LEKR1: variants seen among roughly 807,000 people sequenced by gnomAD.
The protein encoded by LEKR1 is protein LEKR1.
LEKR1 carries 59 observed loss-of-function variants against 72.4 expected under a neutral mutation model. The observed-to-expected ratio is 0.82, with a 90% CI of 0.66 to 1.01. The LOEUF (loss-of-function observed/expected upper bound fraction) is 1.01, where lower values mean the gene tolerates loss of function less well. Among genes scored for constraint, LEKR1 ranks in the 50% least tolerant of loss-of-function variants. LEKR1 has a pLI of 0.00. For missense variants in LEKR1, 728 were observed against 759.2 expected, an observed-to-expected ratio of 0.96 and a Z score of 0.48; for synonymous variants, 257 against 263.2, an observed-to-expected ratio of 0.98 and a Z score of 0.23.
intron 3 of LEKR1, among the ~76,000 whole-genome samples, chr3:156,860,762 G>T (rs1008364666): frequency 6.6e-6 from 1 of 152,120 alleles, no homozygotes; most frequent in African/African-American, 2.4e-5. Flanking sequence ...ATGGACAAAG[G>T]TTTATTTCTT....
intron 3 of LEKR1, among the ~76,000 whole-genome samples, chr3:156,908,238 G>A (rs564597437): frequency 2.0e-5 from 3 of 151,938 alleles, no homozygotes; most frequent in Non-Finnish European, 4.4e-5. Flanking sequence ...ATATCTTGTG[G>A]TAGATATTTT....
Position 156,955,816 on chromosome 3 carries a change from G to T in LEKR1, c.745+13102G>T, listed in dbSNP as rs576166224. 4.6e-3 allele frequency among the ~76,000 whole-genome samples: 690 copies of T among 150,990 alleles called. 5 individuals carry two copies. The highest frequency in any genetic ancestry group is 5.1e-3 in the Non-Finnish European group (346 of 67,484). ...ATTGGCCTGAAGTTTTCTTTTTGTTGTTGTTGTTGTTGTTGTTGTTACATC... is the reference window on the plus strand; with the variant it reads ...ATTGGCCTGAAGTTTTCTTTTTGTTTTTGTTGTTGTTGTTGTTGTTACATC... On this transcript the variant is annotated intron_variant, in intron 6 of 12. Coordinates refer to ENST00000356539, the MANE Select transcript of LEKR1 (RefSeq NM_001004316.3).
intron 3 of LEKR1, among the ~76,000 whole-genome samples, chr3:156,871,565 T>A (rs1349294328): frequency 6.6e-6 from 1 of 152,156 alleles, no homozygotes; most frequent in African/African-American, 2.4e-5. Context: ...TAGTTTACAG[T>A]CCCACCAACA....
chr3:156,860,096 CT>C (rs1438634493), intron 3 of LEKR1, among the ~76,000 whole-genome samples: 2 of 152,122 alleles, frequency 1.3e-5, no homozygotes, highest in African/African-American at 2.4e-5. Flanking sequence ...TCTTTCTATG[CT>C]GCTTATGTTA....
chr3:156,837,357 G>A (rs986186210), intron 2 of LEKR1, among the ~76,000 whole-genome samples: 5 of 152,124 alleles, frequency 3.3e-5, no homozygotes, highest in East Asian at 1.9e-4. Flanking sequence ...TCAGACACCC[G>A]GTCCTCTCAT....
intron 3 of LEKR1, among the ~76,000 whole-genome samples, chr3:156,896,500 A>G (rs1241319316): frequency 2.0e-5 from 3 of 152,224 alleles, no homozygotes; most frequent in South Asian, 2.1e-4. Context: ...CAACACCACA[A>G]TGAGATACCA....
At chr3:156,846,417 G>T (rs1160458939) in intron 2 of LEKR1, among the ~76,000 whole-genome samples, 1 of 151,220 alleles carries the variant, frequency 6.6e-6, no homozygotes, top group East Asian at 1.9e-4. Context: ...AAAACACTGA[G>T]TCTTTTACTA....
chr3:156,920,582 G>A lies in LEKR1; in HGVS notation c.271G>A (p.Asp91Asn), dbSNP rs767874111. The change falls in exon 4 of 13, where the codon GAT (aspartate) becomes AAT (asparagine). Residue 91 changes from aspartate (D) to asparagine (N), a missense_variant. By Grantham distance (23) the Asp-to-Asn change is conservative. Transcript: ENST00000356539. ...DNKSKTERIY[D>N]VGMQLKSQQN... is the part of the protein sequence containing the mutation. ...GTTTGTTTATATTTTTAGAATTTAC[G>A]ATGTAGGCATGCAGTTAAAAAGTCA... 5.5e-6 allele frequency: 8 copies of A among 1,455,878 alleles called. No individual in the cohort carries two copies. The highest frequency in any genetic ancestry group is 4.3e-5 in the African/African-American group (3 of 70,288). The allele number at this position is 1,455,878 out of a possible 1,614,324, so 90.2% of individuals were successfully genotyped here. A position where few individuals can be genotyped will look rare whatever the true frequency, so the allele number is the denominator to read the frequency against.
chr3:156,988,545 C>G (rs1438412441), intron 7 of LEKR1: 1 of 187,498 alleles, frequency 5.3e-6, no homozygotes, highest in African/African-American at 2.4e-5. Flanking sequence ...TATGCAGCAG[C>G]AGCATTGTTT....
Position 156,829,416 on chromosome 3 carries a change from C to A in LEKR1, c.48+39C>A, listed in dbSNP as rs1406241658. ...TGTTGCTACAGCCTAACAGTGGGAA[C>A]ATGTAGCAGTTACATAATTCTAAAA... On this transcript the variant is annotated intron_variant, in intron 2 of 12. Coordinates refer to ENST00000356539, the MANE Select transcript of LEKR1 (RefSeq NM_001004316.3). 4.3e-6 allele frequency: 6 copies of A among 1,405,700 alleles called. No individual in the cohort carries two copies. In the Admixed American group the frequency reaches 1.3e-4, roughly 31 times the overall value. 87.1% of individuals were successfully genotyped at this position (1,405,700 alleles called of 1,614,324 possible).
At chr3:156,842,611 T>C (rs1224871393) in intron 2 of LEKR1, among the ~76,000 whole-genome samples, 1 of 152,108 alleles carries the variant, frequency 6.6e-6, no homozygotes, top group African/African-American at 2.4e-5. Context: ...AAATGAGCAG[T>C]AGTAGAAAAA....
chr3:156,971,478 A>G (rs1729185705), intron 6 of LEKR1, among the ~76,000 whole-genome samples: 1 of 152,220 alleles, frequency 6.6e-6, no homozygotes, highest in African/African-American at 2.4e-5. Context: ...ACAAAAGGCA[A>G]AATTGACAAA....
At chr3:156,975,427 G>A (rs561579932) in intron 6 of LEKR1, among the ~76,000 whole-genome samples, 4 of 152,072 alleles carry the variant, frequency 2.6e-5, no homozygotes, top group East Asian at 3.9e-4. Context: ...AATGTTTTGC[G>A]TTTCCTTTAT....
intron 12 of LEKR1, among the ~76,000 whole-genome samples, chr3:157,036,502 C>A (rs77236350): frequency 1.3e-5 from 2 of 152,116 alleles, no homozygotes; most frequent in Non-Finnish European, 2.9e-5. Context: ...AAGCATCAAA[C>A]GCAGATATTT....
chr3:157,011,379 G>C (rs1460753306), intron 9 of LEKR1, 34 bp from the exon 10 acceptor site: 2 of 1,399,684 alleles, frequency 1.4e-6, no homozygotes, highest in Non-Finnish European at 2.0e-6. Context: ...TTAGGGGTAA[G>C]TATTGACTCA....
At chr3:157,032,309 AC>A (rs916574305) in intron 12 of LEKR1, among the ~76,000 whole-genome samples, 7 of 152,188 alleles carry the variant, frequency 4.6e-5, no homozygotes, top group Non-Finnish European at 7.4e-5. Context: ...GACAATCAGT[AC>A]AGATAGTTCA....
At chr3:156,947,052 C>T (rs1726748251) in intron 6 of LEKR1, among the ~76,000 whole-genome samples, 1 of 150,336 alleles carries the variant, frequency 6.7e-6, no homozygotes. Flanking sequence ...TTAATTTTAT[C>T]TTTTCAGGAG....
At chr3:157,041,744 T>G (rs972222708) in intron 12 of LEKR1, among the ~76,000 whole-genome samples, 1 of 151,962 alleles carries the variant, frequency 6.6e-6, no homozygotes, top group African/African-American at 2.4e-5. Context: ...GATAATTTTA[T>G]CTAAAACATA....
chr3:156,868,440 C>G (rs1218616995), intron 3 of LEKR1, among the ~76,000 whole-genome samples: 2 of 151,968 alleles, frequency 1.3e-5, no homozygotes, highest in African/African-American at 4.8e-5. Context: ...TGTATCTTAC[C>G]TACTGCCAGA....
Sources: allele counts gnomAD v4.1 joint callset (sites outside exome capture counted in the v4.1 genomes callset), GRCh38; gene constraint gnomAD v4.1.1; transcripts MANE v1.5; gene names NCBI Gene and HGNC (gene_info 2026-07-23, HGNC 2026-07-21).